The following MKLN1 variants were observed in gnomAD, a reference collection of about 807,000 sequenced individuals.
The protein encoded by MKLN1 is muskelin 1.
MKLN1 carries 18 observed loss-of-function variants against 99.0 expected under a neutral mutation model. The ratio of observed to expected loss-of-function variants is 0.18; its 90% CI spans 0.13 to 0.27. The LOEUF is 0.27. Among genes scored for constraint, MKLN1 ranks in the 10% least tolerant of loss-of-function variants. The pLI is 1.00. For missense variants in MKLN1, 621 were observed against 875.9 expected, an observed-to-expected ratio of 0.71 and a Z score of 3.67; for synonymous variants, 288 against 293.2, an observed-to-expected ratio of 0.98 and a Z score of 0.18.
intron 1 of MKLN1, among the ~76,000 whole-genome samples, chr7:131,337,778 A>G (rs1799292561): frequency 6.6e-6 from 1 of 150,802 alleles, no homozygotes; most frequent in Admixed American, 6.6e-5. Context: ...ATTCTATTGT[A>G]TATTATATAA....
In MKLN1 at chr7:131,460,304, T is replaced by G. The variant is rs1009412421; in HGVS notation, c.1526-2913T>G. ...TATAATTCATGTCTAAACTTTAACA[T>G]TTATGAATAAAGGACTGTATCAATT... On this transcript the variant is annotated intron_variant, in intron 12 of 17. Coordinates refer to ENST00000352689, the MANE Select transcript of MKLN1 (RefSeq NM_013255.5). Among the ~76,000 whole-genome samples, 45 of 152,228 alleles carry G rather than the reference T, an allele frequency of 3.0e-4. 1 individual carries two copies. The highest frequency in any genetic ancestry group is 1.3e-4 in the Admixed American group (2 of 15,282).
At position 131,414,637 on chromosome 7, in the gene MKLN1, T is replaced by C. The variant is rs745531769; in HGVS notation, c.782-8T>C. On this transcript the variant is annotated splice_polypyrimidine_tract_variant and splice_region_variant and intron_variant, in intron 7 of 17. Transcript: ENST00000352689. ...TTCCTTTAAAAGAAACTATTATTTC[T>C]TCTAAAGGTGATGGGGAAGATAACC... 1.1e-5 allele frequency: 17 copies of C among 1,591,830 alleles called. No homozygotes were observed. The Admixed American group carries it at 2.9e-4, about 27-fold the overall frequency.
At chr7:131,221,552 A>C (rs1584846029) in intron 3 of MKLN1, among the ~76,000 whole-genome samples, 1 of 140,238 alleles carries the variant, frequency 7.1e-6, no homozygotes, top group African/African-American at 2.7e-5. Context: ...TCCATCACCC[A>C]CGCTGGAGGG....
At chr7:131,464,851 G>A (rs1311025774) in intron 14 of MKLN1, among the ~76,000 whole-genome samples, 4 of 152,136 alleles carry the variant, frequency 2.6e-5, no homozygotes, top group Non-Finnish European at 4.4e-5. Flanking sequence ...TTTTAAATCA[G>A]CCTTGTGAAA....
intron 2 of MKLN1, among the ~76,000 whole-genome samples, chr7:131,187,521 C>T (rs1187019704): frequency 3.3e-5 from 5 of 152,166 alleles, no homozygotes. Flanking sequence ...CATTTGTATA[C>T]AGGTTGTCTA....
At chr7:131,363,824 T>C (rs1423829546) in intron 1 of MKLN1, among the ~76,000 whole-genome samples, 5 of 151,940 alleles carry the variant, frequency 3.3e-5, no homozygotes, top group African/African-American at 1.2e-4. Context: ...CTTATCACAG[T>C]CTGTAATTAC....
At chr7:131,133,444 C>T (rs1219347837) in intron 1 of MKLN1, among the ~76,000 whole-genome samples, 1 of 147,334 alleles carries the variant, frequency 6.8e-6, no homozygotes, top group Admixed American at 6.8e-5. Context: ...AACCTCCGCT[C>T]CCAGGTTCAA....
intron 2 of MKLN1, among the ~76,000 whole-genome samples, chr7:131,202,146 C>CTTTTTTTTTTTTTTTTTT (rs58800874): frequency 8.3e-5 from 5 of 60,274 alleles, no homozygotes; most frequent in Non-Finnish European, 9.6e-5. Flanking sequence ...GCACTATTGA[C>CTTTTTTTTTTTTTTTTTT]TTTTTTTTTT....
intron 1 of MKLN1, among the ~76,000 whole-genome samples, chr7:131,356,560 A>G (rs1799887735): frequency 2.0e-5 from 3 of 152,162 alleles, no homozygotes; most frequent in South Asian, 4.2e-4. Flanking sequence ...GCCTCTTGCT[A>G]GCTGTCATTG....
intron 6 of MKLN1, among the ~76,000 whole-genome samples, chr7:131,401,868 G>A (rs1173477830): frequency 1.3e-5 from 2 of 152,112 alleles, no homozygotes; most frequent in Non-Finnish European, 2.9e-5. Flanking sequence ...CTTAAAAAAT[G>A]CTAATGATCA....
chr7:131,358,600 A>G (rs778163937), intron 1 of MKLN1, among the ~76,000 whole-genome samples: 1 of 152,166 alleles, frequency 6.6e-6, no homozygotes, highest in Non-Finnish European at 1.5e-5. Flanking sequence ...ATTCTAGAGC[A>G]TTGGTATCAT....
At chr7:131,234,147 T>G (rs1352678712) in intron 3 of MKLN1, among the ~76,000 whole-genome samples, 2 of 152,010 alleles carry the variant, frequency 1.3e-5, no homozygotes, top group East Asian at 3.9e-4. Flanking sequence ...GCCCGGCTAA[T>G]TTTTGTATTT....
chr7:131,195,466 G>T (rs1033892417), intron 2 of MKLN1, among the ~76,000 whole-genome samples: 9 of 151,746 alleles, frequency 5.9e-5, no homozygotes, highest in Non-Finnish European at 2.9e-5. Flanking sequence ...AGCCAAGATC[G>T]TGCCACTGCA....
chr7:131,371,303 TTTTC>T (rs1298879321), intron 1 of MKLN1, among the ~76,000 whole-genome samples: 2 of 152,172 alleles, frequency 1.3e-5, no homozygotes, highest in African/African-American at 4.8e-5. Context: ...TAGGTTTTCA[TTTTC>T]TTTATCTTTG....
chr7:131,120,187 A>AG (rs1320458098), intron 1 of MKLN1, among the ~76,000 whole-genome samples: 2 of 148,148 alleles, frequency 1.3e-5, no homozygotes, highest in Admixed American at 6.8e-5. Context: ...AAAAAAAAAA[A>AG]AAGAAGCAGC....
intron 17 of MKLN1, among the ~76,000 whole-genome samples, chr7:131,484,667 A>G (rs1286921383): frequency 1.3e-5 from 2 of 152,208 alleles, no homozygotes; most frequent in East Asian, 3.8e-4. Flanking sequence ...TTGTACTTCT[A>G]CATACTCAGA....
intron 17 of MKLN1, among the ~76,000 whole-genome samples, chr7:131,479,268 G>A (rs1797053316): frequency 1.3e-5 from 2 of 152,148 alleles, no homozygotes; most frequent in African/African-American, 2.4e-5. Context: ...GGGCACAGTG[G>A]CTCACACCTA....
chr7:131,132,940 AAAAAAAAAAAG>A (rs1563226060), intron 1 of MKLN1, among the ~76,000 whole-genome samples: 2 of 132,940 alleles, frequency 1.5e-5, no homozygotes, highest in Admixed American at 7.8e-5. Flanking sequence ...AAAAAAAAAA[AAAAAAAAAAAG>A]AAAGAAAGAA....
chr7:131,395,719 TA>T (rs941335193), intron 4 of MKLN1, among the ~76,000 whole-genome samples: 119 of 147,480 alleles, frequency 8.1e-4, no homozygotes, highest in African/African-American at 1.7e-3. Context: ...GTGTTGTTAT[TA>T]AAAAAAAAAG....
Sources: gnomAD v4.1 joint callset for allele counts (sites outside exome capture counted in the v4.1 genomes callset) on GRCh38, gnomAD v4.1.1 for gene constraint, MANE v1.5 for transcripts, NCBI Gene and HGNC (gene_info 2026-07-23, HGNC 2026-07-21) for gene names.